The following ZMYND11 variants were observed in gnomAD, a reference collection of about 807,000 sequenced individuals.
ZMYND11 encodes zinc finger MYND-type containing 11, also known as zinc finger MYND domain-containing protein 11.
A neutral mutation model predicts 84.9 loss-of-function variants in ZMYND11; 9 were observed. That is an observed-to-expected ratio of 0.11 (90% CI 0.06 to 0.18). The LOEUF is 0.18. Ranked by LOEUF, ZMYND11 falls within the 10% of genes least tolerant of loss-of-function variation. ZMYND11 has a pLI of 1.00. For synonymous variants in ZMYND11, 250 were observed against 244.1 expected (o/e 1.02, Z -0.23); for missense variants, 409 against 761.0 (o/e 0.54, Z 5.44).
At chr10:240,403 C>T (rs1462157617) in intron 8 of ZMYND11, among the ~76,000 whole-genome samples, 1 of 152,138 alleles carries the variant, frequency 6.6e-6, no homozygotes, top group East Asian at 1.9e-4. Context: ...ACTCGGGAGG[C>T]TGAGGCAGGA....
At chr10:192,908 C>T (rs1179803309) in intron 2 of ZMYND11, among the ~76,000 whole-genome samples, 1 of 152,116 alleles carries the variant, frequency 6.6e-6, no homozygotes, top group African/African-American at 2.4e-5. Context: ...TTGATTTACA[C>T]GGGGTGCTCT....
At chr10:197,902 C>T in intron 2 of ZMYND11, 1 of 568,910 alleles carries the variant, frequency 1.8e-6, no homozygotes, top group Non-Finnish European at 3.1e-6. Context: ...CAATATATTT[C>T]AATTTCAGAT....
intron 2 of ZMYND11, among the ~76,000 whole-genome samples, chr10:202,389 A>C (rs73583756): frequency 0.018 from 2,713 of 152,304 alleles, 85 homozygotes; most frequent in African/African-American, 0.063. Context: ...ACATAAATTC[A>C]TCAGGTTTAG....
At chr10:167,299 C>T (rs1418852010) in intron 1 of ZMYND11, among the ~76,000 whole-genome samples, 1 of 151,858 alleles carries the variant, frequency 6.6e-6, no homozygotes, top group Non-Finnish European at 1.5e-5. Flanking sequence ...TTCCAAAAAC[C>T]ACTGAATTGT....
chr10:212,885 A>G (rs1252495278), intron 3 of ZMYND11, among the ~76,000 whole-genome samples: 2 of 152,166 alleles, frequency 1.3e-5, no homozygotes, highest in African/African-American at 4.8e-5. Context: ...CCATTAGAAC[A>G]CTGGATCTTT....
chr10:141,085 C>G (rs781994210), intron 1 of ZMYND11, among the ~76,000 whole-genome samples: 1 of 152,062 alleles, frequency 6.6e-6, no homozygotes, highest in Non-Finnish European at 1.5e-5. Context: ...CTGAAATACA[C>G]ACAGTATTTT....
chr10:131,043 G>A (rs1835302473), upstream of ZMYND11, among the ~76,000 whole-genome samples: 1 of 152,130 alleles, frequency 6.6e-6, no homozygotes, highest in Non-Finnish European at 1.5e-5. Context: ...CTTGAGCCCA[G>A]GAGTGGATGT....
chr10:223,818 G>A (rs1043896645), intron 4 of ZMYND11, among the ~76,000 whole-genome samples: 3 of 152,124 alleles, frequency 2.0e-5, no homozygotes, highest in Non-Finnish European at 2.9e-5. Flanking sequence ...TAAATATAGT[G>A]TCAAAACTTT....
intron 4 of ZMYND11, among the ~76,000 whole-genome samples, chr10:227,868 G>C (rs1421404901): frequency 3.9e-5 from 6 of 152,260 alleles, no homozygotes; most frequent in Middle Eastern, 3.4e-3. Context: ...AACAAATCTA[G>C]AATGGAGATT....
chr10:138,443 G>A (rs1342552592), intron 1 of ZMYND11, among the ~76,000 whole-genome samples: 2 of 152,140 alleles, frequency 1.3e-5, no homozygotes, highest in African/African-American at 4.8e-5. Flanking sequence ...TGGATGTCAT[G>A]CATGTTTCAA....
intron 2 of ZMYND11, among the ~76,000 whole-genome samples, chr10:193,798 G>T (rs1036063247): frequency 2.0e-5 from 3 of 152,094 alleles, no homozygotes; most frequent in African/African-American, 7.2e-5. Flanking sequence ...AGCTTTGCCT[G>T]TTTTAGAATT....
At chr10:171,233 C>G (rs1845241726) in intron 1 of ZMYND11, among the ~76,000 whole-genome samples, 1 of 152,088 alleles carries the variant, frequency 6.6e-6, no homozygotes, top group South Asian at 2.1e-4. Flanking sequence ...TTGGAGATAT[C>G]AATATGCCTC....
intron 1 of ZMYND11, among the ~76,000 whole-genome samples, chr10:141,241 T>G (rs1375821000): frequency 6.6e-6 from 1 of 152,244 alleles, no homozygotes; most frequent in Non-Finnish European, 1.5e-5. Context: ...ATATGCAATT[T>G]TAATATCTTG....
chr10:196,407 A>C (rs1941750630), intron 2 of ZMYND11, among the ~76,000 whole-genome samples: 1 of 152,254 alleles, frequency 6.6e-6, no homozygotes, highest in African/African-American at 2.4e-5. Flanking sequence ...AACTGGATAA[A>C]GTATATAATT....
intron 1 of ZMYND11, among the ~76,000 whole-genome samples, chr10:172,735 A>G (rs1845650770): frequency 6.6e-6 from 1 of 152,174 alleles, no homozygotes; most frequent in Non-Finnish European, 1.5e-5. Flanking sequence ...CATGGATATC[A>G]ACAAACTGAT....
intron 4 of ZMYND11, among the ~76,000 whole-genome samples, chr10:227,725 T>C (rs1465105029): frequency 6.6e-6 from 1 of 152,220 alleles, no homozygotes; most frequent in South Asian, 2.1e-4. Context: ...GAAAATACTT[T>C]GAACATAAAT....
At chr10:199,301 C>T (rs1942541244) in intron 2 of ZMYND11, among the ~76,000 whole-genome samples, 2 of 39,360 alleles carry the variant, frequency 5.1e-5, no homozygotes, top group Non-Finnish European at 1.3e-4. Context: ...CTCACTCCCT[C>T]CCTCTCTTCC....
chr10:158,362 T>A (rs550743131), intron 1 of ZMYND11, among the ~76,000 whole-genome samples: 1 of 152,248 alleles, frequency 6.6e-6, no homozygotes, highest in East Asian at 1.9e-4. Flanking sequence ...AACACCGGTT[T>A]CTATTATTGT....
intron 4 of ZMYND11, among the ~76,000 whole-genome samples, chr10:227,646 T>C (rs576130235): frequency 9.8e-5 from 15 of 152,346 alleles, no homozygotes; most frequent in Non-Finnish European, 2.1e-4. Flanking sequence ...GTACAGTCTT[T>C]TTAAATTCCA....
Sources: gnomAD v4.1 joint callset for allele counts (sites outside exome capture counted in the v4.1 genomes callset) on GRCh38, gnomAD v4.1.1 for gene constraint, MANE v1.5 for transcripts, NCBI Gene and HGNC (gene_info 2026-07-23, HGNC 2026-07-21) for gene names.